Variants in NCAM2 observed in about 807,000 individuals in gnomAD.
The protein encoded by NCAM2 is neural cell adhesion molecule 2, also known as N-CAM-2.
In NCAM2, 30 loss-of-function variants were observed where a neutral mutation model predicts 98.1. That is an observed-to-expected ratio of 0.31 (90% CI 0.23 to 0.41). The LOEUF (loss-of-function observed/expected upper bound fraction) is 0.41, where lower values mean the gene tolerates loss of function less well. NCAM2 is among the 10% of genes least tolerant of loss of function. The pLI, the probability that NCAM2 is intolerant of heterozygous loss-of-function variation, is 1.00. For synonymous variants in NCAM2, 368 were observed against 342.4 expected (o/e 1.07, Z -0.83); for missense variants, 867 against 1,005.8 (o/e 0.86, Z 1.87).
intron 16 of NCAM2, among the ~76,000 whole-genome samples, chr21:21,531,825 CCAAAAAAAAAA>C (rs1989712538): frequency 8.5e-6 from 1 of 118,028 alleles, no homozygotes; most frequent in African/African-American, 3.4e-5. Context: ...CTAAAAAATA[CCAAAAAAAAAA>C]AAAAAAATTA....
At chr21:21,493,740 A>C (rs553077308) in intron 15 of NCAM2, among the ~76,000 whole-genome samples, 1 of 152,066 alleles carries the variant, frequency 6.6e-6, no homozygotes, top group South Asian at 2.1e-4. Context: ...AGTTCCTGGC[A>C]ATCACTGACC....
At chr21:21,320,330 A>C (rs1325330395) in intron 5 of NCAM2, among the ~76,000 whole-genome samples, 1 of 152,168 alleles carries the variant, frequency 6.6e-6, no homozygotes, top group Non-Finnish European at 1.5e-5. Flanking sequence ...AGGAAGATAG[A>C]CTTTTTTTTT....
rs532953728 is a variant in NCAM2 at position 21,115,595 on chromosome 21, C to T, written c.55+116977C>T. On this transcript the variant is annotated intron_variant, in intron 1 of 17. Transcript: ENST00000400546. ...TTTGTGAATAAGTTCATGGAATGTC[C>T]CTGCATTAATTGTCTTTGTTTCTGA... is the stretch of plus-strand genomic sequence containing the variant. Among the ~76,000 whole-genome samples the T allele has an allele frequency of 7.9e-5, 12 of 152,078 alleles. No homozygotes were observed. In the South Asian group the frequency reaches 8.3e-4, roughly 11 times the overall value.
At chr21:21,245,186 G>A (rs2071217020) in intron 1 of NCAM2, among the ~76,000 whole-genome samples, 1 of 152,074 alleles carries the variant, frequency 6.6e-6, no homozygotes, top group Non-Finnish European at 1.5e-5. Context: ...TGTTTGCATA[G>A]GTACCTTTTT....
intron 8 of NCAM2, among the ~76,000 whole-genome samples, chr21:21,339,590 A>C (rs2074969211): frequency 6.6e-6 from 1 of 151,888 alleles, no homozygotes; most frequent in African/African-American, 2.4e-5. Flanking sequence ...AACTTTTTTC[A>C]TTATTAACTT....
At chr21:21,312,642 G>A (rs1013358182) in intron 5 of NCAM2, among the ~76,000 whole-genome samples, 2 of 778 alleles carry the variant, frequency 2.6e-3, no homozygotes, top group African/African-American at 8.7e-3. Context: ...TTTAATAAAA[G>A]CACCTATTTT....
At chr21:21,359,837 T>C (rs1462421698) in intron 8 of NCAM2, among the ~76,000 whole-genome samples, 1 of 151,898 alleles carries the variant, frequency 6.6e-6, no homozygotes, top group African/African-American at 2.4e-5. Flanking sequence ...ATTAATAGAC[T>C]TAACAAAAAC....
At chr21:21,044,958 A>G (rs148767803) in intron 1 of NCAM2, among the ~76,000 whole-genome samples, 1 of 152,318 alleles carries the variant, frequency 6.6e-6, no homozygotes, top group East Asian at 1.9e-4. Context: ...ATACACACAC[A>G]GATACAAATA....
At chr21:21,134,377 C>T (rs1161504971) in intron 1 of NCAM2, among the ~76,000 whole-genome samples, 1 of 152,002 alleles carries the variant, frequency 6.6e-6, no homozygotes, top group African/African-American at 2.4e-5. Context: ...GCCAGCACTG[C>T]TCTTCTATTT....
At chr21:21,004,875 G>T (rs1256420479) in intron 1 of NCAM2, among the ~76,000 whole-genome samples, 1 of 152,092 alleles carries the variant, frequency 6.6e-6, no homozygotes, top group Non-Finnish European at 1.5e-5. Flanking sequence ...CATGTCCAAA[G>T]CCTAGCCTCT....
At chr21:21,145,574 C>T (rs1461404691) in intron 1 of NCAM2, among the ~76,000 whole-genome samples, 1 of 151,914 alleles carries the variant, frequency 6.6e-6, no homozygotes, top group Non-Finnish European at 1.5e-5. Context: ...TGCTGTTCTG[C>T]AAAATTTTTA....
At chr21:21,143,561 C>T (rs1162236307) in intron 1 of NCAM2, among the ~76,000 whole-genome samples, 6 of 152,146 alleles carry the variant, frequency 3.9e-5, no homozygotes, top group South Asian at 4.1e-4. Flanking sequence ...TATACTTTCA[C>T]ATTTCAGTCT....
Position 21,218,659 on chromosome 21 carries a change from T to G in NCAM2, c.56-61919T>G, listed in dbSNP as rs1204468324. On this transcript the variant is annotated intron_variant, in intron 1 of 17. Coordinates refer to ENST00000400546, the MANE Select transcript of NCAM2 (RefSeq NM_004540.5). ...TTGCAACTTTACTGACTTTGAAGAC[T>G]GGAAAGAGGCCTCTATAACCTGGAA... 2.6e-5 allele frequency among the ~76,000 whole-genome samples: 4 copies of G among 152,334 alleles called. No homozygotes were observed. The East Asian group carries it at 5.8e-4, about 22-fold the overall frequency.
At position 21,480,366 on chromosome 21, in the gene NCAM2, C is replaced by CAAAAAAAAAAA. The variant is rs59203448; in HGVS notation, c.2077+2906_2077+2916dup. ...TGGGCGACAGAGCGAGACTCCATCT[C>CAAAAAAAAAAA]AAAAAAAAAAAAAAAAAAAAAGAAT... is the stretch of plus-strand genomic sequence containing the variant. On this transcript the variant is annotated intron_variant, in intron 15 of 17. Transcript: ENST00000400546. Among the ~76,000 whole-genome samples the CAAAAAAAAAAA allele has an allele frequency of 3.5e-3, 246 of 69,940 alleles. 9 individuals carry two copies. Among genetic ancestry groups the CAAAAAAAAAAA allele is most frequent in the African/African-American group, 0.014 (240 of 16,686 alleles). 45.9% of individuals were successfully genotyped at this position (69,940 alleles called of 152,430 possible). A position where few individuals can be genotyped will look rare whatever the true frequency, so the allele number is the denominator to read the frequency against.
intron 1 of NCAM2, among the ~76,000 whole-genome samples, chr21:21,235,505 A>G (rs2147207070): frequency 1.3e-5 from 2 of 152,238 alleles, no homozygotes; most frequent in Middle Eastern, 3.4e-3. Context: ...TTGATTAATT[A>G]CAAAATTCTC....
chr21:21,311,478 C>T (rs1217584241), intron 5 of NCAM2, among the ~76,000 whole-genome samples: 1 of 151,716 alleles, frequency 6.6e-6, no homozygotes, highest in Non-Finnish European at 1.5e-5. Context: ...GTCGCTGGGA[C>T]TACAGGCACC....
intron 12 of NCAM2, among the ~76,000 whole-genome samples, chr21:21,460,833 G>C (rs1251409902): frequency 1.3e-5 from 2 of 151,758 alleles, no homozygotes; most frequent in African/African-American, 2.4e-5. Context: ...GATGTTATTA[G>C]GAGGTTAAAT....
At chr21:21,332,122 C>G (rs1055893577) in intron 6 of NCAM2, among the ~76,000 whole-genome samples, 19 of 151,864 alleles carry the variant, frequency 1.3e-4, no homozygotes, top group African/African-American at 4.4e-4. Context: ...CCAGGCTGAT[C>G]TGTAACTCCT....
chr21:21,531,517 G>A (rs991827209), intron 16 of NCAM2, among the ~76,000 whole-genome samples: 2 of 117,418 alleles, frequency 1.7e-5, no homozygotes, highest in African/African-American at 6.7e-5. Context: ...GAGTTAGTGG[G>A]AGAGCCAGCT....
Sources: gnomAD v4.1 joint callset for allele counts (sites outside exome capture counted in the v4.1 genomes callset) on GRCh38, gnomAD v4.1.1 for gene constraint, MANE v1.5 for transcripts, NCBI Gene and HGNC (gene_info 2026-07-23, HGNC 2026-07-21) for gene names.